Variants in HBQ1 observed in about 807,000 individuals in gnomAD.
The protein encoded by HBQ1 is hemoglobin subunit theta-1.
A neutral mutation model predicts 8.2 loss-of-function variants in HBQ1; 9 were observed. That is an observed-to-expected ratio of 1.10 (90% CI 0.66 to 1.92). The LOEUF (loss-of-function observed/expected upper bound fraction) is 1.92. Ranked by LOEUF, HBQ1 falls within the 40% of genes most tolerant of loss-of-function variation. The pLI is 0.00. For missense variants in HBQ1, 216 were observed against 189.3 expected, an observed-to-expected ratio of 1.14 and a Z score of -0.83; for synonymous variants, 102 against 100.0, an observed-to-expected ratio of 1.02 and a Z score of -0.12.
Position 180,963 on chromosome 16 carries a change from T to G in HBQ1, c.301-17T>G. The G allele has an allele frequency of 6.3e-7, 1 of 1,590,194 alleles. No individual in the cohort carries two copies. Among genetic ancestry groups the G allele is most frequent in the Non-Finnish European group, 8.6e-7 (1 of 1,169,488 alleles). On this transcript the variant is annotated splice_polypyrimidine_tract_variant and intron_variant, in intron 2 of 2. Transcript: ENST00000199708. ...CGGGGCGGGTGCAGGCGAGTGAGCC[T>G]TGAGCGCTCGCCGCAGCTCCTGGGC...
chr16:180,871 G>C lies in HBQ1; in HGVS notation c.300+1G>C, dbSNP rs939826229. The stretch of plus-strand genomic sequence containing the variant: ...GCGAGTGGACCCGGCCAGCTTCCAG[G>C]TGAGCGGCTGCCGTGCTGGGCCCCT... On this transcript the variant is annotated splice_donor_variant, in intron 2 of 2. Coordinates refer to ENST00000199708, the MANE Select transcript of HBQ1 (RefSeq NM_005331.5). LOFTEE classifies it high-confidence loss of function. 3 of 1,532,316 alleles carry C rather than the reference G, an allele frequency of 2.0e-6. No individual in the cohort carries two copies. Among genetic ancestry groups the C allele is most frequent in the South Asian group, 2.4e-5 (2 of 83,570 alleles). The allele number at this position is 1,532,316 out of a possible 1,614,324, so 94.9% of individuals were successfully genotyped here. A position where few individuals can be genotyped will look rare whatever the true frequency, so the allele number is the denominator to read the frequency against.
Position 181,125 on chromosome 16 carries a change from C to T in HBQ1, c.*17C>T. On this transcript the variant is annotated 3_prime_UTR_variant, in exon 3 of 3. Coordinates refer to ENST00000199708, the MANE Select transcript of HBQ1 (RefSeq NM_005331.5). ...TACCGCTGAACTGTGGGTGGGTGGCCGCGGGATCCCCAGGCGACCTTCCCC... is the reference window on the plus strand; with the variant it reads ...TACCGCTGAACTGTGGGTGGGTGGCTGCGGGATCCCCAGGCGACCTTCCCC... 2 of 1,611,946 alleles carry T rather than the reference C, an allele frequency of 1.2e-6. No homozygotes were observed. The highest frequency in any genetic ancestry group is 1.1e-5 in the South Asian group (1 of 90,634).
chr16:180,892 C>A (rs1253698469), intron 2 of HBQ1, 22 bp downstream of exon 2: 39 of 1,520,940 alleles, frequency 2.6e-5, no homozygotes, highest in Non-Finnish European at 2.6e-5. Flanking sequence ...CCGTGCTGGG[C>A]CCCTGTCCCC....
rs11863726 is a variant in HBQ1 at position 180,579 on chromosome 16, A to G, written c.93A>G (p.Glu31=). 179,945 of 1,540,276 alleles carry G rather than the reference A, an allele frequency of 0.12. 16,246 individuals are homozygous for G. The highest frequency in any genetic ancestry group is 0.48 in the African/African-American group (35,092 of 72,914). Residue 31 remains glutamate, a splice_region_variant and synonymous_variant, in exon 1 of 3, where the codon GAA becomes GAG. Coordinates refer to ENST00000199708, the MANE Select transcript of HBQ1 (RefSeq NM_005331.5). ...NVGVYTTEAL[E]RTFLAFPATK... is the part of the protein sequence containing the mutation. ...GCGTCTACACGACAGAGGCCCTGGA[A>G]AGGTGCGGCAGGCTGGGCGCCCCCG...
chr16:180,933 G>T, intron 2 of HBQ1, 47 bp from the exon 3 acceptor site: 2 of 1,518,318 alleles, frequency 1.3e-6, no homozygotes, highest in Non-Finnish European at 1.8e-6. Context: ...GGTGCGGGGG[G>T]CGTGCGGGGC....
rs1419332964 is a variant in HBQ1 at position 180,799 on chromosome 16, C to T, written c.229C>T (p.Leu77=). ...CCTCGCCGTGGAGCGCCTGGACGAC[C>T]TACCCCACGCGCTGTCCGCGCTGAG... ...LSLAVERLDD[L]PHALSALSHL... is the part of the protein sequence containing the mutation. The change falls in exon 2 of 3, where the codon CTA becomes TTA. Residue 77 remains leucine (L), a synonymous_variant. Transcript: ENST00000199708. 1.3e-6 allele frequency: 2 copies of T among 1,560,618 alleles called. No homozygotes were observed. Among genetic ancestry groups the T allele is most frequent in the Non-Finnish European group, 1.7e-6 (2 of 1,156,576 alleles).
intron 2 of HBQ1, 54 bp downstream of exon 2, chr16:180,924 G>A (rs530661615): frequency 2.6e-6 from 4 of 1,512,776 alleles, no homozygotes; most frequent in Non-Finnish European, 3.5e-6. Flanking sequence ...GGCGGGGTGG[G>A]TGCGGGGGGC....
chr16:180,755 A>G lies in HBQ1; in HGVS notation c.185A>G (p.Lys62Arg). The change falls in exon 2 of 3, where the codon AAG (lysine) becomes AGG (arginine). Residue 62 changes from lysine to arginine, a missense_variant. By Grantham distance (26) the Lys-to-Arg change is conservative. Transcript: ENST00000199708. ...GSSQVRAHGQKVADALSLAVE... is the reference protein window; with the variant it reads ...GSSQVRAHGQRVADALSLAVE... ...TCACAAGTCAGAGCCCACGGCCAGA[A>G]GGTGGCGGACGCGCTGAGCCTCGCC... 1 of 1,584,086 alleles carries G rather than the reference A, an allele frequency of 6.3e-7. No individual in the cohort carries two copies. The highest frequency in any genetic ancestry group is 8.6e-7 in the Non-Finnish European group (1 of 1,167,016).
rs1360835682 is a variant in HBQ1 at position 181,085 on chromosome 16, G to C, written c.406G>C (p.Ala136Pro). 2 of 1,613,454 alleles carry C rather than the reference G, an allele frequency of 1.2e-6. No homozygotes were observed. Among genetic ancestry groups the C allele is most frequent in the South Asian group, 2.2e-5 (2 of 90,984 alleles). The change falls in exon 3 of 3, where the codon GCG (alanine) becomes CCG (proline). Residue 136 changes from alanine (A) to proline (P), a missense_variant. Transcript: ENST00000199708. The part of the protein sequence containing the change: ...LDKFLSHVIS[A>P]LVSEYR ...CAAGTTCCTGAGCCACGTTATCTCG[G>C]CGCTGGTTTCCGAGTACCGCTGAAC...
Position 180,537 on chromosome 16 carries a change from G to A in HBQ1, c.51G>A (p.Lys17=). The A allele has an allele frequency of 6.5e-7, 1 of 1,539,060 alleles. No individual in the cohort carries two copies. ...CGCTGGTGCGCGCCCTGTGGAAGAA[G>A]CTGGGCAGCAACGTCGGCGTCTACA... ...DRALVRALWK[K]LGSNVGVYTT... The change falls in exon 1 of 3, where the codon AAG becomes AAA. Residue 17 remains lysine, a synonymous_variant. Transcript: ENST00000199708.
chr16:180,620 C>T, intron 1 of HBQ1, 39 bp downstream of exon 1: 1 of 1,528,668 alleles, frequency 6.5e-7, no homozygotes, highest in Non-Finnish European at 8.8e-7. Flanking sequence ...AGGGGCCCTC[C>T]CTCCCCAAGC....
Position 180,590 on chromosome 16 carries a change from G to A in HBQ1, c.95+9G>A. 3 of 1,539,176 alleles carry A rather than the reference G, an allele frequency of 1.9e-6. No homozygotes were observed. The highest frequency in any genetic ancestry group is 2.6e-6 in the Non-Finnish European group (3 of 1,143,904). ...ACAGAGGCCCTGGAAAGGTGCGGCA[G>A]GCTGGGCGCCCCCGCCCCCAGGGGC... On this transcript the variant is annotated intron_variant, in intron 1 of 2. Transcript: ENST00000199708.
In HBQ1 at chr16:180,751, CAGA is replaced by C; in HGVS notation, c.184_186del (p.Lys62del). The C allele has an allele frequency of 5.0e-6, 8 of 1,585,872 alleles. No individual in the cohort carries two copies. Among genetic ancestry groups the C allele is most frequent in the Non-Finnish European group, 6.8e-6 (8 of 1,167,916 alleles). On this transcript the variant is annotated inframe_deletion, in exon 2 of 3. Transcript: ENST00000199708. ...CTCCTCACAAGTCAGAGCCCACGGC[CAGA>C]AGGTGGCGGACGCGCTGAGCCTCGC...
chr16:181,146 T>C lies in HBQ1; in HGVS notation c.*38T>C. On this transcript the variant is annotated 3_prime_UTR_variant, in exon 3 of 3. Transcript: ENST00000199708. ...TGGCCGCGGGATCCCCAGGCGACCT[T>C]CCCCGTGTTTGAGTAAAGCCTCTCC... The C allele has an allele frequency of 6.2e-7, 1 of 1,609,286 alleles. No individual in the cohort carries two copies. Among genetic ancestry groups the C allele is most frequent in the Non-Finnish European group, 8.5e-7 (1 of 1,177,624 alleles).
chr16:181,091 G>T lies in HBQ1; in HGVS notation c.412G>T (p.Val138Phe). 6.2e-7 allele frequency: 1 copy of T among 1,613,398 alleles called. No individual in the cohort carries two copies. Among genetic ancestry groups the T allele is most frequent in the Non-Finnish European group, 8.5e-7 (1 of 1,179,876 alleles). ...KFLSHVISAL[V>F]SEYR ...CCTGAGCCACGTTATCTCGGCGCTG[G>T]TTTCCGAGTACCGCTGAACTGTGGG... The change falls in exon 3 of 3, where the codon GTT becomes TTT. Residue 138 changes from valine to phenylalanine, a missense_variant. By Grantham distance (50) the Val-to-Phe change is conservative. Coordinates refer to ENST00000199708, the MANE Select transcript of HBQ1 (RefSeq NM_005331.5).
Position 180,587 on chromosome 16 carries a change from G to A in HBQ1, c.95+6G>A. ...ACGACAGAGGCCCTGGAAAGGTGCG[G>A]CAGGCTGGGCGCCCCCGCCCCCAGG... On this transcript the variant is annotated splice_donor_region_variant and intron_variant, in intron 1 of 2. Coordinates refer to ENST00000199708, the MANE Select transcript of HBQ1 (RefSeq NM_005331.5). The A allele has an allele frequency of 1.3e-6, 2 of 1,539,010 alleles. No homozygotes were observed.
At position 181,146 on chromosome 16, in the gene HBQ1, TC is replaced by T. The variant is rs1383922168; in HGVS notation, c.*42del. On this transcript the variant is annotated 3_prime_UTR_variant, in exon 3 of 3. Transcript: ENST00000199708. ...TGGCCGCGGGATCCCCAGGCGACCT[TC>T]CCCGTGTTTGAGTAAAGCCTCTCCC... 4 of 1,609,166 alleles carry T rather than the reference TC, an allele frequency of 2.5e-6. No homozygotes were observed. The highest frequency in any genetic ancestry group is 1.6e-4 in the Middle Eastern group (1 of 6,070).
At position 180,787 on chromosome 16, in the gene HBQ1, C is replaced by A. The variant is rs774187922; in HGVS notation, c.217C>A (p.Arg73Ser). 6 of 1,565,498 alleles carry A rather than the reference C, an allele frequency of 3.8e-6. No homozygotes were observed. The highest frequency in any genetic ancestry group is 1.4e-5 in the African/African-American group (1 of 73,816). Residue 73 changes from arginine to serine, a missense_variant, in exon 2 of 3, where the codon CGC (arginine) becomes AGC (serine). By Grantham distance (110) the Arg-to-Ser change is moderately radical (BLOSUM62 -1). Coordinates refer to ENST00000199708, the MANE Select transcript of HBQ1 (RefSeq NM_005331.5). ...VADALSLAVE[R>S]LDDLPHALSA... ...GGACGCGCTGAGCCTCGCCGTGGAG[C>A]GCCTGGACGACCTACCCCACGCGCT...
chr16:181,120 G>T lies in HBQ1; in HGVS notation c.*12G>T. The T allele has an allele frequency of 3.1e-6, 5 of 1,612,208 alleles. No individual in the cohort carries two copies. The highest frequency in any genetic ancestry group is 4.2e-6 in the Non-Finnish European group (5 of 1,179,494). Reference sequence around the variant, plus strand: ...CCGAGTACCGCTGAACTGTGGGTGGGTGGCCGCGGGATCCCCAGGCGACCT... The same window carrying T: ...CCGAGTACCGCTGAACTGTGGGTGGTTGGCCGCGGGATCCCCAGGCGACCT... On this transcript the variant is annotated 3_prime_UTR_variant, in exon 3 of 3. Transcript: ENST00000199708.
Sources: gnomAD v4.1 joint callset for allele counts on GRCh38, gnomAD v4.1.1 for gene constraint, MANE v1.5 for transcripts, NCBI Gene and HGNC (gene_info 2026-07-23, HGNC 2026-07-21) for gene names.